TSPAN12: variants seen among roughly 807,000 people sequenced by gnomAD.
TSPAN12 encodes tetraspanin-12.
In TSPAN12, 19 loss-of-function variants were observed where a neutral mutation model predicts 39.2. That is an observed-to-expected ratio of 0.49 (90% CI 0.34 to 0.71). The LOEUF (loss-of-function observed/expected upper bound fraction) is 0.71. TSPAN12 is among the 30% of genes least tolerant of loss of function. The pLI is 0.01. For missense variants in TSPAN12, 314 were observed against 359.9 expected (o/e 0.87, Z 1.03); for synonymous variants, 119 against 124.8 (o/e 0.95, Z 0.31).
At chr7:120,834,011 T>C (rs1794433647) in intron 4 of TSPAN12, among the ~76,000 whole-genome samples, 1 of 152,178 alleles carries the variant, frequency 6.6e-6, no homozygotes, top group Non-Finnish European at 1.5e-5. Flanking sequence ...TTTCTTTTCT[T>C]AGTCATTTTT....
rs1466751077 is a variant in TSPAN12, at chr7:120,838,880, G to A, written c.182C>T (p.Pro61Leu). The change falls in exon 4 of 8, where the codon CCT (proline) becomes CTT (leucine). Residue 61 changes from proline to leucine, a missense_variant. Pro to Leu is a moderately conservative substitution (Grantham distance 98, BLOSUM62 -3). Transcript: ENST00000222747. ...AGCAATCATGACCGGATGAACCACAGGAAAGTAAGTCAAAATGACTGCTTC... is the reference window on the plus strand; with the variant it reads ...AGCAATCATGACCGGATGAACCACAAGAAAGTAAGTCAAAATGACTGCTTC... ...VEEAVILTYF[P>L]VVHPVMIAVC... The A allele has an allele frequency of 6.2e-7, 1 of 1,613,786 alleles. No homozygotes were observed. The highest frequency in any genetic ancestry group is 1.3e-5 in the African/African-American group (1 of 74,880).
intron 2 of TSPAN12, among the ~76,000 whole-genome samples, chr7:120,847,101 A>G (rs967135655): frequency 2.0e-5 from 3 of 152,146 alleles, no homozygotes; most frequent in Non-Finnish European, 2.9e-5. Flanking sequence ...CTGAATTTTG[A>G]ATTTCAGCTA....
intron 4 of TSPAN12, among the ~76,000 whole-genome samples, chr7:120,818,914 G>A (rs923990737): frequency 2.6e-5 from 4 of 151,900 alleles, no homozygotes; most frequent in African/African-American, 7.3e-5. Flanking sequence ...ATTTTTATCC[G>A]ACCTTTCTTT....
intron 4 of TSPAN12, among the ~76,000 whole-genome samples, chr7:120,826,542 A>C (rs1402155367): frequency 6.6e-6 from 1 of 152,130 alleles, no homozygotes; most frequent in East Asian, 1.9e-4. Context: ...CCATTACCAA[A>C]ACCCATACAT....
intron 7 of TSPAN12, among the ~76,000 whole-genome samples, chr7:120,794,725 C>T (rs1162697482): frequency 1.3e-5 from 2 of 152,118 alleles, no homozygotes; most frequent in African/African-American, 4.8e-5. Flanking sequence ...TTCACAAGTA[C>T]TTAAATTTAA....
At chr7:120,794,148 T>C (rs1793585712) in intron 7 of TSPAN12, among the ~76,000 whole-genome samples, 3 of 152,242 alleles carry the variant, frequency 2.0e-5, no homozygotes, top group Admixed American at 2.0e-4. Flanking sequence ...TTTTGTTGTA[T>C]GCTGCCCTAT....
intron 4 of TSPAN12, 137 bp downstream of exon 4, chr7:120,838,640 T>C (rs946382360): frequency 2.8e-5 from 24 of 853,154 alleles, no homozygotes; most frequent in Non-Finnish European, 4.3e-5. Context: ...AAATAATCTC[T>C]TGTGAAACGA....
chr7:120,813,615 C>T (rs193146243), intron 5 of TSPAN12, among the ~76,000 whole-genome samples: 4 of 152,222 alleles, frequency 2.6e-5, no homozygotes, highest in African/African-American at 9.6e-5. Flanking sequence ...TGTTTAAAAT[C>T]CACAAGAAAG....
At chr7:120,798,416 T>C (rs184894691) in intron 7 of TSPAN12, among the ~76,000 whole-genome samples, 97 of 152,284 alleles carry the variant, frequency 6.4e-4, no homozygotes, top group African/African-American at 2.1e-3. Flanking sequence ...AAAAGAACCC[T>C]GAGAATGGAA....
Position 120,806,579 on chromosome 7 carries a change from G to C in TSPAN12, c.582C>G (p.His194Gln). ...GATAAAGGTCACTGAGATCTTCCTG[G>C]TGGGCCTGTTTGGAACATCCTGGGA... ...REFPGCSKQA[H>Q]QEDLSDLYQE... Residue 194 changes from histidine to glutamine, a missense_variant, in exon 7 of 8, where the codon CAC becomes CAG. Physicochemically the swap from His to Gln is conservative, Grantham distance 24. Coordinates refer to ENST00000222747, the MANE Select transcript of TSPAN12 (RefSeq NM_012338.4). The C allele has an allele frequency of 1.2e-6, 2 of 1,613,304 alleles. No individual in the cohort carries two copies. The highest frequency in any genetic ancestry group is 1.7e-6 in the Non-Finnish European group (2 of 1,179,528).
chr7:120,843,826 G>C (rs961475463), intron 2 of TSPAN12, among the ~76,000 whole-genome samples: 11 of 152,156 alleles, frequency 7.2e-5, no homozygotes, highest in Admixed American at 3.3e-4. Flanking sequence ...AAATCTGTGG[G>C]CACATGTTCT....
chr7:120,810,723 C>T (rs1446806016), intron 5 of TSPAN12, among the ~76,000 whole-genome samples, 153 bp from the exon 6 acceptor site: 1 of 151,764 alleles, frequency 6.6e-6, no homozygotes, highest in African/African-American at 2.4e-5. Context: ...TTGCTCATGG[C>T]CTAAATTTAG....
chr7:120,850,958 G>A (rs1022607148), intron 2 of TSPAN12, among the ~76,000 whole-genome samples: 3 of 152,104 alleles, frequency 2.0e-5, no homozygotes, highest in Non-Finnish European at 4.4e-5. Context: ...CCAAAGTGCT[G>A]GGATTACAGG....
chr7:120,828,740 T>TA (rs1338816872), intron 4 of TSPAN12, among the ~76,000 whole-genome samples: 1 of 143,446 alleles, frequency 7.0e-6, no homozygotes, highest in Non-Finnish European at 1.5e-5. Context: ...TAATAAAAGG[T>TA]AAAAAACCCT....
chr7:120,844,182 C>T (rs750214964), intron 2 of TSPAN12, among the ~76,000 whole-genome samples: 19 of 152,074 alleles, frequency 1.2e-4, no homozygotes, highest in Non-Finnish European at 1.0e-4. Context: ...GGGGAAAGTC[C>T]GTCTCCATGA....
intron 2 of TSPAN12, among the ~76,000 whole-genome samples, chr7:120,856,276 C>CA (rs1379298902): frequency 6.6e-5 from 10 of 152,186 alleles, no homozygotes; most frequent in African/African-American, 1.4e-4. Context: ...TCCCCGCCCA[C>CA]AAAAAATATA....
intron 2 of TSPAN12, among the ~76,000 whole-genome samples, chr7:120,850,729 G>A (rs1337536174): frequency 6.7e-6 from 1 of 148,984 alleles, no homozygotes; most frequent in Non-Finnish European, 1.5e-5. Flanking sequence ...TCACTTTGTT[G>A]CCCAGACTGG....
chr7:120,793,599 A>T (rs180967523), intron 7 of TSPAN12, among the ~76,000 whole-genome samples: 11 of 152,330 alleles, frequency 7.2e-5, no homozygotes, highest in African/African-American at 2.6e-4. Context: ...TGTCATCAGA[A>T]TTCATTAAAC....
At chr7:120,790,222 T>C (rs1793495609) in intron 7 of TSPAN12, among the ~76,000 whole-genome samples, 1 of 152,132 alleles carries the variant, frequency 6.6e-6, no homozygotes, top group Non-Finnish European at 1.5e-5. Flanking sequence ...ACAACTAACC[T>C]TGGGTATTAC....
Sources: gnomAD v4.1 joint callset for allele counts (sites outside exome capture counted in the v4.1 genomes callset) on GRCh38, gnomAD v4.1.1 for gene constraint, MANE v1.5 for transcripts, NCBI Gene and HGNC (gene_info 2026-07-23, HGNC 2026-07-21) for gene names.